PARD3: variants seen among roughly 807,000 people sequenced by gnomAD.
PARD3 encodes the protein par-3 family cell polarity regulator, also known as partitioning defective 3 homolog.
PARD3 carries 75 observed loss-of-function variants against 155.4 expected under a neutral mutation model. That is an observed-to-expected ratio of 0.48 (90% CI 0.40 to 0.58). PARD3 has a LOEUF of 0.58. PARD3 is among the 20% of genes least tolerant of loss of function. PARD3 has a pLI of 0.00. For missense variants in PARD3, 1,642 were observed against 1,721.7 expected (o/e 0.95, Z 0.82); for synonymous variants, 576 against 610.5 (o/e 0.94, Z 0.83).
intron 7 of PARD3, 64 bp downstream of exon 7, chr10:34,399,266 G>T: frequency 9.7e-7 from 1 of 1,028,240 alleles, no homozygotes; most frequent in Non-Finnish European, 1.5e-6. Flanking sequence ...CTCTCTATCT[G>T]AGCATAAATG....
intron 2 of PARD3, among the ~76,000 whole-genome samples, chr10:34,592,632 C>G (rs1042333845): frequency 6.6e-6 from 1 of 151,972 alleles, no homozygotes; most frequent in Admixed American, 6.6e-5. Flanking sequence ...AAAAATTAGC[C>G]GAGCGTGGTG....
chr10:34,590,973 T>C (rs565639540), intron 2 of PARD3, among the ~76,000 whole-genome samples: 35 of 152,258 alleles, frequency 2.3e-4, no homozygotes, highest in Middle Eastern at 3.4e-3. Flanking sequence ...ACCAACCCCA[T>C]TGACACCTTG....
intron 2 of PARD3, among the ~76,000 whole-genome samples, chr10:34,629,889 A>G (rs1564436576): frequency 6.6e-6 from 1 of 152,230 alleles, no homozygotes; most frequent in Admixed American, 6.5e-5. Flanking sequence ...CAGATAGAAT[A>G]TGCATAGATA....
At chr10:34,772,535 T>C (rs1943661518) in intron 1 of PARD3, among the ~76,000 whole-genome samples, 1 of 151,170 alleles carries the variant, frequency 6.6e-6, no homozygotes, top group Non-Finnish European at 1.5e-5. Flanking sequence ...CTCACGCCTG[T>C]AATCCCAGCA....
Position 34,589,745 on chromosome 10 carries a change from A to AC in PARD3, c.223-72587dup, listed in dbSNP as rs1158646399. 3.3e-3 allele frequency among the ~76,000 whole-genome samples: 57 copies of AC among 17,372 alleles called. 1 individual carries two copies. The highest frequency in any genetic ancestry group is 0.013 in the African/African-American group (55 of 4,158). 11.4% of individuals were successfully genotyped at this position (17,372 alleles called of 152,430 possible). A position where few individuals can be genotyped will look rare whatever the true frequency, so the allele number is the denominator to read the frequency against. ...TTGTTAATCCTGAATTCACAGTTTT[A>AC]CTGGGGGGCTGGGGTGGGTGGGTGG... On this transcript the variant is annotated intron_variant, in intron 2 of 24. Transcript: ENST00000374788.
At chr10:34,308,613 G>A (rs1201091961) in intron 20 of PARD3, among the ~76,000 whole-genome samples, 1 of 152,152 alleles carries the variant, frequency 6.6e-6, no homozygotes, top group Non-Finnish European at 1.5e-5. Context: ...GGGGAATCCA[G>A]CAGTGAGTTG....
In PARD3 at chr10:34,111,239, G is replaced by T. The variant is rs1429728150; in HGVS notation, c.3992C>A (p.Pro1331His). The T allele has an allele frequency of 2.5e-6, 4 of 1,611,636 alleles. No individual in the cohort carries two copies. The highest frequency in any genetic ancestry group is 1.1e-5 in the South Asian group (1 of 91,012). The change falls in exon 25 of 25, where the codon CCC (proline) becomes CAC (histidine). Residue 1331 changes from proline (P) to histidine (H), a missense_variant. Coordinates refer to ENST00000374788, the MANE Select transcript of PARD3 (RefSeq NM_001184785.2). Reference protein sequence around the residue: ...PKGPFRQDVPPSPSQVARLNR... With the variant: ...PKGPFRQDVPHSPSQVARLNR... Reference sequence around the variant, plus strand: ...CAGCCTCGCAACCTGAGAAGGGGAGGGGGGCACATCTTGCCGGAAGGGCCC... The same window carrying T: ...CAGCCTCGCAACCTGAGAAGGGGAGTGGGGCACATCTTGCCGGAAGGGCCC...
chr10:34,295,712 A>G (rs1313138579), intron 20 of PARD3, among the ~76,000 whole-genome samples: 1 of 152,212 alleles, frequency 6.6e-6, no homozygotes, highest in Non-Finnish European at 1.5e-5. Flanking sequence ...CGTATTAGCA[A>G]AACTCACTTC....
chr10:34,117,791 ACC>A (rs1946765158), intron 24 of PARD3, among the ~76,000 whole-genome samples: 4 of 152,068 alleles, frequency 2.6e-5, no homozygotes, highest in Admixed American at 2.6e-4. Flanking sequence ...CACGCCTGTA[ACC>A]CCAGCTATTT....
intron 22 of PARD3, 60 bp downstream of exon 22, chr10:34,269,597 T>C: frequency 2.5e-6 from 4 of 1,581,022 alleles, no homozygotes; most frequent in South Asian, 2.2e-5. Flanking sequence ...TCTACTCCCC[T>C]GTCAGAAGCT....
At chr10:34,319,344 C>T (rs1210852805) in intron 19 of PARD3, among the ~76,000 whole-genome samples, 1 of 152,104 alleles carries the variant, frequency 6.6e-6, no homozygotes, top group Non-Finnish European at 1.5e-5. Context: ...GCCTCTCCTC[C>T]CAAAGTGCTG....
intron 3 of PARD3, among the ~76,000 whole-genome samples, chr10:34,490,864 C>T (rs2079853932): frequency 6.6e-6 from 1 of 152,154 alleles, no homozygotes; most frequent in African/African-American, 2.4e-5. Flanking sequence ...CTGTAAAATG[C>T]TGGTTCCAGG....
intron 22 of PARD3, among the ~76,000 whole-genome samples, chr10:34,187,559 G>C (rs1950541687): frequency 1.3e-5 from 2 of 152,174 alleles, no homozygotes; most frequent in Non-Finnish European, 2.9e-5. Context: ...TTCCATGCTA[G>C]AAAGCCTTAG....
intron 2 of PARD3, among the ~76,000 whole-genome samples, chr10:34,654,752 C>T (rs1339452755): frequency 6.6e-6 from 1 of 152,186 alleles, no homozygotes; most frequent in African/African-American, 2.4e-5. Context: ...CTCCCGCAGA[C>T]ACTCTGCCGT....
intron 2 of PARD3, among the ~76,000 whole-genome samples, chr10:34,534,077 G>C (rs2083049945): frequency 6.6e-6 from 1 of 152,034 alleles, no homozygotes; most frequent in Admixed American, 6.6e-5. Flanking sequence ...AAGGCAACAA[G>C]TATCAGTGTG....
intron 22 of PARD3, among the ~76,000 whole-genome samples, chr10:34,152,193 G>C (rs1948811740): frequency 6.6e-6 from 1 of 152,032 alleles, no homozygotes. Flanking sequence ...TTTCCCTGTA[G>C]CTAGCAGAGA....
chr10:34,598,495 T>A (rs11009830), intron 2 of PARD3, among the ~76,000 whole-genome samples: 15 of 152,070 alleles, frequency 9.9e-5, no homozygotes, highest in African/African-American at 2.9e-4. Context: ...ACACTGTAAC[T>A]TTTCAGAGCA....
chr10:34,370,058 C>G (rs1402261184), intron 12 of PARD3, among the ~76,000 whole-genome samples: 1 of 152,120 alleles, frequency 6.6e-6, no homozygotes, highest in East Asian at 1.9e-4. Context: ...TAATATTAAG[C>G]CTTTTACAAC....
At chr10:34,302,103 C>T (rs960905967) in intron 20 of PARD3, among the ~76,000 whole-genome samples, 4 of 152,060 alleles carry the variant, frequency 2.6e-5, no homozygotes, top group East Asian at 3.9e-4. Context: ...CAAGCCATAT[C>T]GAGTCATTTA....
Sources: gnomAD v4.1 joint callset for allele counts (sites outside exome capture counted in the v4.1 genomes callset) on GRCh38, gnomAD v4.1.1 for gene constraint, MANE v1.5 for transcripts, NCBI Gene and HGNC (gene_info 2026-07-23, HGNC 2026-07-21) for gene names.